The following CHRM3 variants were observed in gnomAD, a reference collection of about 807,000 sequenced individuals.
CHRM3 encodes the protein cholinergic receptor muscarinic 3.
CHRM3 carries 11 observed loss-of-function variants against 41.8 expected under a neutral mutation model. That is an observed-to-expected ratio of 0.26 (90% CI 0.17 to 0.44). The LOEUF is 0.44. Ranked by LOEUF, CHRM3 falls within the 20% of genes least tolerant of loss-of-function variation. The probability of loss-of-function intolerance (pLI) is 1.00; values close to 1 mark genes in which losing one functional copy is unlikely to be tolerated. For missense variants in CHRM3, 571 were observed against 745.4 expected, an observed-to-expected ratio of 0.77 and a Z score of 2.72; for synonymous variants, 297 against 301.4, an observed-to-expected ratio of 0.99 and a Z score of 0.15.
At chr1:239,549,679 G>A (rs1046957012) in intron 3 of CHRM3, among the ~76,000 whole-genome samples, 1 of 148,866 alleles carries the variant, frequency 6.7e-6, no homozygotes, top group Non-Finnish European at 1.5e-5. Context: ...AAAAAAAAAT[G>A]GAGTCTCCTT....
At position 239,539,390 on chromosome 1, in the gene CHRM3, T is replaced by C. The variant is rs113642804; in HGVS notation, c.-421-6251T>C. On this transcript the variant is annotated intron_variant, in intron 2 of 6. Transcript: ENST00000676153. ...GTGAGCTGGATGTCCCCCAGTGGGG[T>C]TAGCCTTCCACAGCCCTCAGAGCAC... Among the ~76,000 whole-genome samples, 1,299 of 152,232 alleles carry C rather than the reference T, an allele frequency of 8.5e-3. 40 individuals are homozygous for C. In the East Asian group the frequency reaches 0.11, roughly 13 times the overall value.
At chr1:239,620,992 T>C (rs981093118) in intron 3 of CHRM3, among the ~76,000 whole-genome samples, 1 of 152,198 alleles carries the variant, frequency 6.6e-6, no homozygotes, top group African/African-American at 2.4e-5. Context: ...ATTGAAGATT[T>C]GTAGCTTCCC....
chr1:239,713,945 C>G (rs1029181542), intron 5 of CHRM3, among the ~76,000 whole-genome samples: 2 of 152,068 alleles, frequency 1.3e-5, no homozygotes, highest in Non-Finnish European at 2.9e-5. Context: ...TTCTTTAAAC[C>G]AGACATGATG....
intron 6 of CHRM3, among the ~76,000 whole-genome samples, chr1:239,859,205 C>T (rs1384222898): frequency 2.0e-5 from 3 of 152,118 alleles, no homozygotes; most frequent in African/African-American, 4.8e-5. Flanking sequence ...TTTACATTCT[C>T]CCAGCGGTGT....
At chr1:239,695,246 G>A (rs1298568262) in intron 5 of CHRM3, among the ~76,000 whole-genome samples, 4 of 151,984 alleles carry the variant, frequency 2.6e-5, no homozygotes, top group Non-Finnish European at 5.9e-5. Flanking sequence ...TCCTGACCTC[G>A]TGATCCACCC....
chr1:239,430,816 G>T (rs147990933), intron 1 of CHRM3, among the ~76,000 whole-genome samples: 9,873 of 150,732 alleles, frequency 0.066, 391 homozygotes, highest in African/African-American at 0.11. Context: ...GCTTTGGAAT[G>T]TTGCCTGGTA....
chr1:239,438,209 T>G (rs2103229850), intron 1 of CHRM3, among the ~76,000 whole-genome samples: 1 of 152,340 alleles, frequency 6.6e-6, no homozygotes, highest in South Asian at 2.1e-4. Context: ...CTATAGAATT[T>G]TTTTTCTTAA....
chr1:239,799,447 A>G (rs192600316), intron 5 of CHRM3, among the ~76,000 whole-genome samples: 337 of 152,288 alleles, frequency 2.2e-3, no homozygotes, highest in Non-Finnish European at 3.1e-3. Context: ...TTTTCGCTCC[A>G]GGCACTGAGA....
chr1:239,616,492 C>T (rs770895086), intron 3 of CHRM3, among the ~76,000 whole-genome samples: 1 of 152,148 alleles, frequency 6.6e-6, no homozygotes, highest in Non-Finnish European at 1.5e-5. Flanking sequence ...TAACCACTTA[C>T]TAATCAAAAA....
In CHRM3 at chr1:239,754,460, G is replaced by T. The variant is rs754100385; in HGVS notation, c.-146-72792G>T. Reference sequence around the variant, plus strand: ...CATCCTTCCAGGAGGCATTTGCAAAGTTATCAGAATATTTTTGGTTCTCCC... The same window carrying T: ...CATCCTTCCAGGAGGCATTTGCAAATTTATCAGAATATTTTTGGTTCTCCC... On this transcript the variant is annotated intron_variant, in intron 5 of 6. Transcript: ENST00000676153. 3.3e-5 allele frequency among the ~76,000 whole-genome samples: 5 copies of T among 152,192 alleles called. No individual in the cohort carries two copies. In the South Asian group the frequency reaches 1.0e-3, roughly 31 times the overall value.
At chr1:239,713,193 A>T (rs1363022176) in intron 5 of CHRM3, among the ~76,000 whole-genome samples, 1 of 152,212 alleles carries the variant, frequency 6.6e-6, no homozygotes, top group Non-Finnish European at 1.5e-5. Context: ...AATAAAGTGA[A>T]TTCCGAATTG....
chr1:239,904,868 A>T (rs142931446), intron 6 of CHRM3, among the ~76,000 whole-genome samples: 1 of 152,294 alleles, frequency 6.6e-6, no homozygotes, highest in East Asian at 1.9e-4. Flanking sequence ...TATTTCAAAG[A>T]GTACTAAGGT....
intron 1 of CHRM3, among the ~76,000 whole-genome samples, chr1:239,469,763 G>T (rs377090211): frequency 9.7e-4 from 148 of 152,176 alleles, no homozygotes; most frequent in Admixed American, 1.5e-3. Context: ...CACCATGTTG[G>T]CCAGGGTGGT....
chr1:239,863,875 A>G (rs1385456375), intron 6 of CHRM3, among the ~76,000 whole-genome samples: 1 of 152,208 alleles, frequency 6.6e-6, no homozygotes, highest in East Asian at 1.9e-4. Flanking sequence ...TAAGTATAAC[A>G]GTAACAGACA....
At chr1:239,608,137 C>T (rs7514931) in intron 3 of CHRM3, among the ~76,000 whole-genome samples, 9,573 of 152,190 alleles carry the variant, frequency 0.063, 1,024 homozygotes, top group African/African-American at 0.22. Flanking sequence ...AAAAATTGCA[C>T]TATATCCAAT....
chr1:239,547,868 G>A (rs1392155618), intron 3 of CHRM3, among the ~76,000 whole-genome samples: 4 of 151,278 alleles, frequency 2.6e-5, no homozygotes, highest in East Asian at 3.9e-4. Flanking sequence ...CTTGAGTATG[G>A]AATACTGAAA....
intron 4 of CHRM3, among the ~76,000 whole-genome samples, chr1:239,676,114 C>G (rs1657977936): frequency 6.6e-6 from 1 of 152,196 alleles, no homozygotes; most frequent in Admixed American, 6.5e-5. Context: ...CCTGAATAGA[C>G]AAGACAGTTC....
In CHRM3 at chr1:239,597,499, G is replaced by C. The variant is rs559636098; in HGVS notation, c.-312-34725G>C. Among the ~76,000 whole-genome samples the C allele has an allele frequency of 3.9e-5, 6 of 152,106 alleles. No homozygotes were observed. The South Asian group carries it at 1.0e-3, about 26-fold the overall frequency. On this transcript the variant is annotated intron_variant, in intron 3 of 6. Coordinates refer to ENST00000676153, the MANE Select transcript of CHRM3 (RefSeq NM_001375978.1). ...TGATCTTGTAGATTTTTTTATATGT[G>C]ATGACTGCAGTTAGCTTTCTCCTCA...
intron 5 of CHRM3, among the ~76,000 whole-genome samples, chr1:239,717,436 C>G (rs534699063): frequency 2.7e-5 from 4 of 150,384 alleles, no homozygotes; most frequent in Non-Finnish European, 5.9e-5. Flanking sequence ...ATTATAAAAT[C>G]CTGATACAGA....
Sources: allele counts gnomAD v4.1 joint callset (sites outside exome capture counted in the v4.1 genomes callset), GRCh38; gene constraint gnomAD v4.1.1; transcripts MANE v1.5; gene names NCBI Gene and HGNC (gene_info 2026-07-23, HGNC 2026-07-21).